The following MORC3 variants were observed in gnomAD, a reference collection of about 807,000 sequenced individuals.
MORC3 encodes MORC family CW-type zinc finger protein 3.
A neutral mutation model predicts 109.1 loss-of-function variants in MORC3; 31 were observed. The observed-to-expected ratio is 0.28, with a 90% confidence interval of 0.21 to 0.38. The LOEUF (loss-of-function observed/expected upper bound fraction) is 0.38, where lower values mean the gene tolerates loss of function less well. Among genes scored for constraint, MORC3 ranks in the 10% least tolerant of loss-of-function variants. The pLI, the probability that MORC3 is intolerant of heterozygous loss-of-function variation, is 1.00. For missense variants in MORC3, 867 were observed against 1,135.8 expected, an observed-to-expected ratio of 0.76 and a Z score of 3.40; for synonymous variants, 395 against 380.7, an observed-to-expected ratio of 1.04 and a Z score of -0.44.
intron 1 of MORC3, among the ~76,000 whole-genome samples, chr21:36,326,951 G>A (rs2085254078): frequency 6.6e-6 from 1 of 151,646 alleles, no homozygotes; most frequent in South Asian, 2.1e-4. Context: ...TAGTAGCTGG[G>A]TTTACAGGCA....
intron 14 of MORC3, 67 bp downstream of exon 14, chr21:36,364,326 G>A: frequency 6.7e-7 from 1 of 1,494,216 alleles, no homozygotes; most frequent in Non-Finnish European, 9.2e-7. Context: ...ACACTTCTGT[G>A]ACAGTGATGC....
chr21:36,371,864 A>G (rs2085873312), intron 15 of MORC3, among the ~76,000 whole-genome samples: 1 of 145,088 alleles, frequency 6.9e-6, no homozygotes, highest in African/African-American at 2.7e-5. Flanking sequence ...CCCAGGCTGG[A>G]GTGCAATGGC....
chr21:36,333,128 G>T (rs939789868), intron 1 of MORC3, among the ~76,000 whole-genome samples: 6 of 152,148 alleles, frequency 3.9e-5, no homozygotes, highest in Non-Finnish European at 8.8e-5. Context: ...AGAGTTTGTA[G>T]ATGTATACTA....
chr21:36,372,257 TG>T lies in MORC3; in HGVS notation c.2509-116del, dbSNP rs1251734396. 3 of 841,218 alleles carry T rather than the reference TG, an allele frequency of 3.6e-6. No individual in the cohort carries two copies. In the African/African-American group the frequency reaches 5.3e-5, roughly 15 times the overall value. The allele number at this position is 841,218 out of a possible 1,614,324, so 52.1% of individuals were successfully genotyped here. On this transcript the variant is annotated intron_variant, in intron 15 of 16. Transcript: ENST00000400485. Reference sequence around the variant, plus strand: ...AACTACTGGTTTTTCTTTGTGTATTTGTTTTTTGATAGTTGATAATGTTATC... The same window carrying T: ...AACTACTGGTTTTTCTTTGTGTATTTTTTTTTGATAGTTGATAATGTTATC...
intron 1 of MORC3, among the ~76,000 whole-genome samples, chr21:36,323,531 A>G (rs1318136285): frequency 6.6e-6 from 1 of 152,214 alleles, no homozygotes; most frequent in Non-Finnish European, 1.5e-5. Flanking sequence ...TTCCAGAAAC[A>G]GGTGTAGCTT....
chr21:36,353,395 C>T (rs572093581), intron 9 of MORC3, among the ~76,000 whole-genome samples: 4 of 148,446 alleles, frequency 2.7e-5, no homozygotes, highest in African/African-American at 5.0e-5. Context: ...GGCCGGGTGC[C>T]GTGGCTCAGG....
Position 36,369,378 on chromosome 21 carries a change from C to A in MORC3, c.2010C>A (p.Ser670=). The A allele has an allele frequency of 6.2e-7, 1 of 1,614,166 alleles. No homozygotes were observed. Among genetic ancestry groups the A allele is most frequent in the Non-Finnish European group, 8.5e-7 (1 of 1,180,020 alleles). Residue 670 remains serine, a synonymous_variant, in exon 15 of 17, where the codon TCC becomes TCA. Transcript: ENST00000400485. ...DVRNDAVILP[S]CVEAEAKIHE... ...GAAATGATGCAGTGATTCTGCCCTCCTGTGTAGAAGCTGAAGCAAAGATAC... is the reference window on the plus strand; with the variant it reads ...GAAATGATGCAGTGATTCTGCCCTCATGTGTAGAAGCTGAAGCAAAGATAC...
Position 36,369,163 on chromosome 21 carries a change from G to A in MORC3, c.1795G>A (p.Glu599Lys). ...AVDHDIDMKS[E>K]QSHVEQGGVQ... is the part of the protein sequence containing the mutation. Reference sequence around the variant, plus strand: ...AGATCATGATATTGACATGAAATCAGAACAGAGTCACGTTGAGCAAGGTGG... The same window carrying A: ...AGATCATGATATTGACATGAAATCAAAACAGAGTCACGTTGAGCAAGGTGG... Residue 599 changes from glutamate (E) to lysine (K), a missense_variant, in exon 15 of 17, where the codon GAA becomes AAA. Transcript: ENST00000400485. The A allele has an allele frequency of 1.2e-6, 2 of 1,614,128 alleles. No homozygotes were observed. The highest frequency in any genetic ancestry group is 1.7e-6 in the Non-Finnish European group (2 of 1,180,022).
At chr21:36,329,902 GC>G (rs1273826256) in intron 1 of MORC3, among the ~76,000 whole-genome samples, 1 of 149,698 alleles carries the variant, frequency 6.7e-6, no homozygotes, top group Non-Finnish European at 1.5e-5. Flanking sequence ...CGCTCTTGTT[GC>G]CCAGATTGGA....
intron 12 of MORC3, chr21:36,360,716 T>G (rs1299922873): frequency 5.6e-6 from 1 of 179,558 alleles, no homozygotes; most frequent in Non-Finnish European, 1.2e-5. Context: ...AAGGAGGTCA[T>G]TTTTGTAATA....
At chr21:36,373,297 G>A (rs145089051) in intron 16 of MORC3, among the ~76,000 whole-genome samples, 3,770 of 151,700 alleles carry the variant, frequency 0.025, 67 homozygotes, top group Admixed American at 0.046. Context: ...CCGAGATTGC[G>A]CCACTGCACT....
Position 36,359,837 on chromosome 21 carries a change from T to C in MORC3, c.1209-118T>C, listed in dbSNP as rs183538003. 1,547 of 1,443,868 alleles carry C rather than the reference T, an allele frequency of 1.1e-3. 4 individuals carry two copies. Among genetic ancestry groups the C allele is most frequent in the Admixed American group, 2.2e-3 (120 of 54,240 alleles). The allele number at this position is 1,443,868 out of a possible 1,614,324, so 89.4% of individuals were successfully genotyped here. On this transcript the variant is annotated intron_variant, in intron 10 of 16. Transcript: ENST00000400485. ...GCCTAATTTTGAAAGAGTTACGTCATAATTTTTAGGAAAGGAATTAAATAA... is the reference window on the plus strand; with the variant it reads ...GCCTAATTTTGAAAGAGTTACGTCACAATTTTTAGGAAAGGAATTAAATAA...
intron 1 of MORC3, among the ~76,000 whole-genome samples, chr21:36,324,679 T>A (rs1435901432): frequency 6.6e-6 from 1 of 151,752 alleles, no homozygotes; most frequent in East Asian, 1.9e-4. Flanking sequence ...TTTTAAACAC[T>A]CTCAAATGTC....
In MORC3 at chr21:36,369,954, C is replaced by T. The variant is rs1047442249; in HGVS notation, c.2508+78C>T. The T allele has an allele frequency of 1.4e-5, 22 of 1,518,720 alleles. No homozygotes were observed. In the Admixed American group the frequency reaches 1.5e-4, roughly 10 times the overall value. The allele number at this position is 1,518,720 out of a possible 1,614,324, so 94.1% of individuals were successfully genotyped here. On this transcript the variant is annotated intron_variant, in intron 15 of 16. Coordinates refer to ENST00000400485, the MANE Select transcript of MORC3 (RefSeq NM_015358.3). ...TAAGAAGCTGCCAGTTGGCTGGGCGCGGTGGCTCATACCTGTAATCCCACC... is the reference window on the plus strand; with the variant it reads ...TAAGAAGCTGCCAGTTGGCTGGGCGTGGTGGCTCATACCTGTAATCCCACC...
chr21:36,320,197 ACAGTCGTTCCGCCACCTCC>A lies in MORC3; in HGVS notation c.-61_-43del. ...AAGTGGGCGGTACCCATAGGGCTCC[ACAGTCGTTCCGCCACCTCC>A]CAGTCGGGTTGCGGCGGAGGCCGTT... On this transcript the variant is annotated 5_prime_UTR_variant, in exon 1 of 17. Transcript: ENST00000400485. The A allele has an allele frequency of 6.5e-7, 1 of 1,546,160 alleles. No individual in the cohort carries two copies. The highest frequency in any genetic ancestry group is 8.8e-7 in the Non-Finnish European group (1 of 1,142,452).
intron 4 of MORC3, 90 bp from the exon 5 acceptor site, chr21:36,338,684 T>TAAA: frequency 1.6e-6 from 2 of 1,237,760 alleles, no homozygotes; most frequent in Non-Finnish European, 2.2e-6. Flanking sequence ...TTATAAATAG[T>TAAA]TTTTCTGTTA....
rs374446229 is a variant in MORC3 at position 36,372,331 on chromosome 21, T to A, written c.2509-43T>A. On this transcript the variant is annotated intron_variant, in intron 15 of 16. Transcript: ENST00000400485. ...TGAAATTTCACTTTGCCATTAGTAT[T>A]TTTAAGTTTTACAGTTATAAAGCTC... The A allele has an allele frequency of 3.4e-6, 5 of 1,464,708 alleles. No homozygotes were observed. The African/African-American group carries it at 7.2e-5, about 21-fold the overall frequency. 90.7% of individuals were successfully genotyped at this position (1,464,708 alleles called of 1,614,324 possible). A position where few individuals can be genotyped will look rare whatever the true frequency, so the allele number is the denominator to read the frequency against.
At chr21:36,332,688 A>C (rs1230509760) in intron 1 of MORC3, among the ~76,000 whole-genome samples, 3 of 151,596 alleles carry the variant, frequency 2.0e-5, no homozygotes, top group Non-Finnish European at 1.5e-5. Context: ...GAATTTGTAC[A>C]GTTAGTTTTC....
chr21:36,337,491 G>A (rs1022229645), intron 3 of MORC3, among the ~76,000 whole-genome samples: 14 of 152,072 alleles, frequency 9.2e-5, no homozygotes, highest in African/African-American at 3.4e-4. Context: ...TTATTTCAGA[G>A]CTGGGAAAAC....
Sources: gnomAD v4.1 joint callset for allele counts (sites outside exome capture counted in the v4.1 genomes callset) on GRCh38, gnomAD v4.1.1 for gene constraint, MANE v1.5 for transcripts, NCBI Gene and HGNC (gene_info 2026-07-23, HGNC 2026-07-21) for gene names.